The following BBS9 variants were observed in gnomAD, a reference collection of about 807,000 sequenced individuals.
The protein encoded by BBS9 is Bardet-Biedl syndrome 9.
BBS9 carries 89 observed loss-of-function variants against 117.7 expected under a neutral mutation model. The observed-to-expected ratio is 0.76, with a 90% CI of 0.64 to 0.90. The LOEUF is 0.90. Ranked by LOEUF, BBS9 falls within the 40% of genes least tolerant of loss-of-function variation. BBS9 has a pLI of 0.00. For synonymous variants in BBS9, 379 were observed against 370.9 expected (o/e 1.02, Z -0.25); for missense variants, 982 against 1,042.2 (o/e 0.94, Z 0.80).
chr7:33,604,806 T>G (rs1864330061), intron 21 of BBS9, 59 bp from the exon 22 acceptor site: 1 of 1,151,940 alleles, frequency 8.7e-7, no homozygotes, highest in East Asian at 2.5e-5. Context: ...ATGATTGCTG[T>G]GTAGAGAGGC....
chr7:33,595,635 T>G (rs1037194860), intron 21 of BBS9, among the ~76,000 whole-genome samples: 5 of 152,088 alleles, frequency 3.3e-5, no homozygotes, highest in Non-Finnish European at 7.4e-5. Context: ...GGCGATTCCT[T>G]AAGGATCTAG....
chr7:33,496,682 GC>G lies in BBS9; in HGVS notation c.2116-8780del, dbSNP rs374289920. On this transcript the variant is annotated intron_variant, in intron 19 of 22. Coordinates refer to ENST00000242067, the MANE Select transcript of BBS9 (RefSeq NM_198428.3). ...AAAAACAGCTAAGAATTAGATTCTT[GC>G]TATGCCTTCAAAGTAAAAGCCTCAG... Among the ~76,000 whole-genome samples, 203 of 152,232 alleles carry G rather than the reference GC, an allele frequency of 1.3e-3. 1 individual carries two copies. Among genetic ancestry groups the G allele is most frequent in the African/African-American group, 4.5e-3 (187 of 41,554 alleles).
chr7:33,296,183 G>C (rs776947910), intron 9 of BBS9, among the ~76,000 whole-genome samples: 1 of 152,044 alleles, frequency 6.6e-6, no homozygotes, highest in Non-Finnish European at 1.5e-5. Flanking sequence ...TTAAACTGAT[G>C]TACTATTGCT....
intron 19 of BBS9, among the ~76,000 whole-genome samples, chr7:33,393,458 A>T (rs930335501): frequency 1.3e-5 from 2 of 152,150 alleles, no homozygotes; most frequent in African/African-American, 2.4e-5. Context: ...TTTTAGAACA[A>T]AGGGTCCTGT....
At chr7:33,374,749 A>G (rs1823513393) in intron 17 of BBS9, among the ~76,000 whole-genome samples, 1 of 152,020 alleles carries the variant, frequency 6.6e-6, no homozygotes, top group South Asian at 2.1e-4. Context: ...TAAAAATACA[A>G]AATTAGCTGG....
At chr7:33,607,187 G>A (rs962219726), downstream of BBS9, among the ~76,000 whole-genome samples, 2 of 152,026 alleles carry the variant, frequency 1.3e-5, no homozygotes, top group African/African-American at 4.8e-5. Flanking sequence ...TGTATCAAAA[G>A]GTCAACTAAT....
Position 33,166,832 on chromosome 7 carries a change from AC to A in BBS9, c.329-10645del, listed in dbSNP as rs1171325009. ...AAAGGGATATCCCCCAACCCCTTGC[AC>A]TTCCTGGGTGAGGTGATGCCCCACC... On this transcript the variant is annotated intron_variant, in intron 4 of 22. Transcript: ENST00000242067. Among the ~76,000 whole-genome samples, 7 of 152,252 alleles carry A rather than the reference AC, an allele frequency of 4.6e-5. No individual in the cohort carries two copies. The South Asian group carries it at 1.0e-3, about 23-fold the overall frequency.
intron 19 of BBS9, among the ~76,000 whole-genome samples, chr7:33,404,569 A>G (rs1236860034): frequency 2.6e-5 from 4 of 151,886 alleles, no homozygotes; most frequent in Non-Finnish European, 5.9e-5. Flanking sequence ...CATCCCTTGT[A>G]AGTTGGATTC....
intron 9 of BBS9, among the ~76,000 whole-genome samples, chr7:33,319,612 T>C (rs1337184349): frequency 6.6e-6 from 1 of 152,170 alleles, no homozygotes; most frequent in Non-Finnish European, 1.5e-5. Context: ...TACATTGTGG[T>C]TTTGATTTGC....
At chr7:33,240,885 T>A (rs1197617427) in intron 5 of BBS9, among the ~76,000 whole-genome samples, 2 of 152,140 alleles carry the variant, frequency 1.3e-5, no homozygotes, top group Non-Finnish European at 2.9e-5. Context: ...TTTTCTTCCA[T>A]TTATGTGCCA....
chr7:33,419,070 T>C (rs1832461871), intron 19 of BBS9, among the ~76,000 whole-genome samples: 1 of 152,142 alleles, frequency 6.6e-6, no homozygotes, highest in Admixed American at 6.5e-5. Flanking sequence ...TCCATTAAAA[T>C]TGCTTTTTTT....
chr7:33,590,701 G>T (rs956442250), intron 21 of BBS9, among the ~76,000 whole-genome samples: 2 of 151,696 alleles, frequency 1.3e-5, no homozygotes, highest in East Asian at 3.9e-4. Context: ...TATAACACTT[G>T]TGTATCATTT....
At chr7:33,571,254 A>G (rs956316932) in intron 21 of BBS9, among the ~76,000 whole-genome samples, 12 of 152,176 alleles carry the variant, frequency 7.9e-5, no homozygotes, top group African/African-American at 2.9e-4. Context: ...GATATTTAGG[A>G]TAAAGCTATT....
At chr7:33,628,340 G>A (rs1163783327) in intron 21 of BBS9, among the ~76,000 whole-genome samples, 2 of 152,140 alleles carry the variant, frequency 1.3e-5, no homozygotes, top group South Asian at 2.1e-4. Context: ...ATATGAAAAG[G>A]ATAACACATC....
chr7:33,210,694 T>A (rs1450905651), intron 5 of BBS9, among the ~76,000 whole-genome samples: 11 of 152,126 alleles, frequency 7.2e-5, no homozygotes, highest in Non-Finnish European at 2.9e-5. Flanking sequence ...TGCGCCACCA[T>A]GCCTGGCTTA....
chr7:33,329,349 A>G (rs1170102563), intron 9 of BBS9, among the ~76,000 whole-genome samples: 1 of 152,170 alleles, frequency 6.6e-6, no homozygotes, highest in Admixed American at 6.5e-5. Flanking sequence ...TATAAGACAA[A>G]ATGAAAATAA....
chr7:33,336,449 A>C lies in BBS9; in HGVS notation c.1025A>C (p.Lys342Thr), dbSNP rs1563019258. ...AVRVGCLHDLKGVIVTLSDDG... is the reference protein window; with the variant it reads ...AVRVGCLHDLTGVIVTLSDDG... The stretch of plus-strand genomic sequence containing the variant: ...TCTCTTCCTTATTGTAGTGATTTAA[A>C]GGGAGTGATAGTCACTCTGAGTGAT... The change falls in exon 10 of 23, where the codon AAG becomes ACG. Residue 342 changes from lysine (K) to threonine (T), a missense_variant. Physicochemically the swap from Lys to Thr is moderately conservative, Grantham distance 78 (BLOSUM62 -1). Coordinates refer to ENST00000242067, the MANE Select transcript of BBS9 (RefSeq NM_198428.3). 1 of 1,613,028 alleles carries C rather than the reference A, an allele frequency of 6.2e-7. No individual in the cohort carries two copies.
chr7:33,199,426 A>G (rs1304448302), intron 5 of BBS9, among the ~76,000 whole-genome samples: 3 of 151,882 alleles, frequency 2.0e-5, no homozygotes, highest in Non-Finnish European at 4.4e-5. Context: ...GGCAATAGCT[A>G]TGTTTTTCTG....
intron 1 of BBS9, among the ~76,000 whole-genome samples, chr7:33,144,550 T>TGTC (rs1379875460): frequency 6.6e-6 from 1 of 152,198 alleles, no homozygotes; most frequent in African/African-American, 2.4e-5. Context: ...CGTAAACAAG[T>TGTC]GTCCTTTCAT....
Sources: allele counts gnomAD v4.1 joint callset (sites outside exome capture counted in the v4.1 genomes callset), GRCh38; gene constraint gnomAD v4.1.1; transcripts MANE v1.5; gene names NCBI Gene and HGNC (gene_info 2026-07-23, HGNC 2026-07-21).